DTNB: variants seen among roughly 807,000 people sequenced by gnomAD.
The protein encoded by DTNB is dystrobrevin beta.
A neutral mutation model predicts 90.7 loss-of-function variants in DTNB; 63 were observed. That is an observed-to-expected ratio of 0.69 (90% CI 0.57 to 0.86). DTNB has a LOEUF of 0.86. Among genes scored for constraint, DTNB ranks in the 40% least tolerant of loss-of-function variants. The probability of loss-of-function intolerance (pLI) is 0.00; values close to 1 mark genes in which losing one functional copy is unlikely to be tolerated. For missense variants in DTNB, 744 were observed against 807.1 expected (o/e 0.92, Z 0.95); for synonymous variants, 277 against 286.7 (o/e 0.97, Z 0.34).
chr2:25,589,367 C>CTT (rs1169808182), intron 6 of DTNB, among the ~76,000 whole-genome samples: 1,228 of 57,410 alleles, frequency 0.021, 257 homozygotes, highest in African/African-American at 0.042. Context: ...TTTTTCTTTT[C>CTT]TTTTTTTTTT....
chr2:25,660,158 G>C (rs2082865484), intron 1 of DTNB, among the ~76,000 whole-genome samples: 2 of 152,188 alleles, frequency 1.3e-5, no homozygotes. Flanking sequence ...AGAAAGGACA[G>C]TCTTTTCAAC....
Position 25,432,502 on chromosome 2 carries a change from C to A in DTNB, c.1457+384G>T, listed in dbSNP as rs78433554. On this transcript the variant is annotated intron_variant, in intron 14 of 20. Transcript: ENST00000406818. Reference sequence around the variant, plus strand: ...AGAGCCCTGCATTGACTGTAAAGTGCCAGGAGAATATACTCACAGCAAAGG... The same window carrying A: ...AGAGCCCTGCATTGACTGTAAAGTGACAGGAGAATATACTCACAGCAAAGG... 7.8e-3 allele frequency among the ~76,000 whole-genome samples: 1,184 copies of A among 152,250 alleles called. 11 individuals carry two copies. The highest frequency in any genetic ancestry group is 0.014 in the Non-Finnish European group (956 of 68,016).
At chr2:25,633,857 G>A (rs1347601434) in intron 3 of DTNB, among the ~76,000 whole-genome samples, 2 of 149,788 alleles carry the variant, frequency 1.3e-5, no homozygotes, top group African/African-American at 4.9e-5. Context: ...GCCTCTACCC[G>A]GCCGCGACCC....
intron 9 of DTNB, among the ~76,000 whole-genome samples, chr2:25,514,302 G>T (rs1007029992): frequency 6.6e-5 from 10 of 152,192 alleles, no homozygotes; most frequent in African/African-American, 2.4e-4. Flanking sequence ...AAGGCCCTGA[G>T]GTGGACGCAC....
intron 15 of DTNB, 162 bp downstream of exon 15, chr2:25,427,373 A>G (rs2052149798): frequency 1.8e-6 from 1 of 548,694 alleles, no homozygotes; most frequent in Non-Finnish European, 3.1e-6. Context: ...GCACTAATTT[A>G]GATGACTTTT....
At chr2:25,540,679 T>C (rs959383878) in intron 8 of DTNB, among the ~76,000 whole-genome samples, 3 of 152,118 alleles carry the variant, frequency 2.0e-5, no homozygotes, top group Admixed American at 6.5e-5. Flanking sequence ...GGGAGACTTT[T>C]CATTTTGTTC....
chr2:25,623,044 T>G (rs1030020563), intron 4 of DTNB, among the ~76,000 whole-genome samples: 2 of 151,946 alleles, frequency 1.3e-5, no homozygotes, highest in Non-Finnish European at 2.9e-5. Flanking sequence ...AAACCATATG[T>G]GAGGAACACT....
intron 5 of DTNB, 114 bp downstream of exon 5, chr2:25,607,122 T>A: frequency 8.9e-7 from 1 of 1,119,530 alleles, no homozygotes; most frequent in Non-Finnish European, 1.3e-6. Flanking sequence ...GCAGCGTGAG[T>A]GACATGGTAA....
intron 16 of DTNB, 135 bp from the exon 17 acceptor site, chr2:25,388,496 GA>G: frequency 8.1e-7 from 1 of 1,239,238 alleles, no homozygotes; most frequent in Non-Finnish European, 1.1e-6. Flanking sequence ...TACTTGAAAG[GA>G]AGGAGTTAGG....
chr2:25,550,655 A>G (rs1213232303), intron 8 of DTNB, among the ~76,000 whole-genome samples: 1 of 151,644 alleles, frequency 6.6e-6, no homozygotes, highest in Non-Finnish European at 1.5e-5. Context: ...ACATTCTAGA[A>G]TATTTTCAGA....
intron 4 of DTNB, among the ~76,000 whole-genome samples, chr2:25,609,428 G>A (rs976939892): frequency 3.3e-5 from 5 of 151,822 alleles, no homozygotes; most frequent in Non-Finnish European, 7.4e-5. Context: ...AAGAAACTCC[G>A]TCTCTACTAA....
In DTNB at chr2:25,424,659, AG is replaced by A. The variant is rs2050908209; in HGVS notation, c.1554+2875del. 6.6e-6 allele frequency among the ~76,000 whole-genome samples: 1 copy of A among 151,060 alleles called. No homozygotes were observed. The highest frequency in any genetic ancestry group is 1.5e-5 in the Non-Finnish European group (1 of 67,798). Reference sequence around the variant, plus strand: ...GGAGATGTGACACAGGGAAGAGGTGAGTGGATCCCCTATTTTTTTTTTTTTT... The same window carrying A: ...GGAGATGTGACACAGGGAAGAGGTGATGGATCCCCTATTTTTTTTTTTTTT... On this transcript the variant is annotated intron_variant, in intron 15 of 20. Transcript: ENST00000406818. This position sits in a 1 kb window ranked among gnomAD's most constrained non-coding sequence, Gnocchi z 4.1.
chr2:25,635,650 T>C (rs888396685), intron 3 of DTNB, among the ~76,000 whole-genome samples: 2 of 152,106 alleles, frequency 1.3e-5, no homozygotes, highest in African/African-American at 4.8e-5. Flanking sequence ...AAAAGAGGAA[T>C]TTTACTGTGT....
In DTNB at chr2:25,427,595, G is replaced by A. The variant is rs764987873; in HGVS notation, c.1494C>T (p.Ala498=). Residue 498 remains alanine, a synonymous_variant, in exon 15 of 21, where the codon GCC becomes GCT. Transcript: ENST00000406818. ...TCAGCTCCCGCCTGCTCTCCTGCAG[G>A]GCCGACATCCTCTGCTCCAGTTCAT... ...RKDELEQRMS[A]LQESRRELMV... 1.2e-6 allele frequency: 2 copies of A among 1,613,588 alleles called. No homozygotes were observed. The highest frequency in any genetic ancestry group is 1.7e-6 in the Non-Finnish European group (2 of 1,179,818).
At chr2:25,438,331 A>C (rs2056503858) in intron 12 of DTNB, among the ~76,000 whole-genome samples, 1 of 152,224 alleles carries the variant, frequency 6.6e-6, no homozygotes, top group Non-Finnish European at 1.5e-5. Context: ...ATCACAAAAA[A>C]ATCTCATAAT....
chr2:25,444,686 A>G (rs2058118616), intron 12 of DTNB, among the ~76,000 whole-genome samples: 1 of 152,210 alleles, frequency 6.6e-6, no homozygotes, highest in African/African-American at 2.4e-5. Flanking sequence ...TATGGCACGG[A>G]CGCTGAAGCA....
At chr2:25,516,561 C>T (rs1444111524) in intron 9 of DTNB, among the ~76,000 whole-genome samples, 1 of 150,852 alleles carries the variant, frequency 6.6e-6, no homozygotes, top group Non-Finnish European at 1.5e-5. Context: ...CCTCCCATCA[C>T]TTTAGAAAAC....
At chr2:25,577,728 C>T (rs2060913979) in intron 7 of DTNB, among the ~76,000 whole-genome samples, 1 of 152,188 alleles carries the variant, frequency 6.6e-6, no homozygotes, top group Admixed American at 6.5e-5. Flanking sequence ...ATAGGCCAGG[C>T]ATGGTGGCTC....
intron 2 of DTNB, among the ~76,000 whole-genome samples, chr2:25,643,157 C>T (rs2078713938): frequency 6.6e-6 from 1 of 152,156 alleles, no homozygotes; most frequent in African/African-American, 2.4e-5. Context: ...TTTCACCTCA[C>T]ACCCAACTCC....
Sources: gnomAD v4.1 joint callset for allele counts (sites outside exome capture counted in the v4.1 genomes callset) on GRCh38, gnomAD v4.1.1 for gene constraint, Gnocchi (gnomAD v3.1) non-coding constraint, MANE v1.5 for transcripts, NCBI Gene and HGNC (gene_info 2026-07-23, HGNC 2026-07-21) for gene names.